Variants in METTL15 observed in about 807,000 individuals in gnomAD.
METTL15 encodes 12S rRNA N(4)-cytidine methyltransferase METTL15.
A neutral mutation model predicts 38.3 loss-of-function variants in METTL15; 34 were observed. The ratio of observed to expected loss-of-function variants is 0.89; its 90% confidence interval spans 0.68 to 1.18. The LOEUF (loss-of-function observed/expected upper bound fraction) is 1.18. Among genes scored for constraint, METTL15 ranks in the 50% most tolerant of loss-of-function variants. The pLI, the probability that METTL15 is intolerant of heterozygous loss-of-function variation, is 0.00. For synonymous variants in METTL15, 162 were observed against 170.9 expected (o/e 0.95, Z 0.41); for missense variants, 438 against 498.4 (o/e 0.88, Z 1.15).
chr11:28,438,642 A>G (rs17651504), intron 6 of METTL15, among the ~76,000 whole-genome samples: 63,569 of 148,110 alleles, frequency 0.43, 14,809 homozygotes, highest in Admixed American at 0.54. Context: ...CGGTCTATAG[A>G]TCACGCTTTT....
At chr11:28,114,775 A>G (rs574279371) in intron 3 of METTL15, among the ~76,000 whole-genome samples, 29 of 152,138 alleles carry the variant, frequency 1.9e-4, no homozygotes, top group African/African-American at 6.5e-4. Flanking sequence ...GTATGTACAT[A>G]TGTTTTCAGT....
intron 3 of METTL15, among the ~76,000 whole-genome samples, chr11:28,148,014 C>T (rs1214968833): frequency 6.6e-6 from 1 of 151,796 alleles, no homozygotes; most frequent in East Asian, 1.9e-4. Flanking sequence ...ACACAGTTTT[C>T]TCTTCAGTCT....
intron 5 of METTL15, among the ~76,000 whole-genome samples, chr11:28,383,094 A>G (rs1238517341): frequency 6.6e-6 from 1 of 152,066 alleles, no homozygotes; most frequent in Non-Finnish European, 1.5e-5. Flanking sequence ...CTCGAAAGGT[A>G]GATTTGATCC....
At chr11:28,212,122 T>C (rs1167085830) in intron 4 of METTL15, among the ~76,000 whole-genome samples, 1 of 152,042 alleles carries the variant, frequency 6.6e-6, no homozygotes, top group African/African-American at 2.4e-5. Flanking sequence ...TAATTCGTCA[T>C]CTAGAATAGT....
At chr11:28,306,681 A>G (rs990825642) in intron 6 of METTL15, among the ~76,000 whole-genome samples, 1 of 152,052 alleles carries the variant, frequency 6.6e-6, no homozygotes, top group Admixed American at 6.6e-5. Flanking sequence ...GAAGACAAGC[A>G]TATGCTTTCA....
At chr11:28,358,825 A>G (rs1252874962) in intron 4 of METTL15, among the ~76,000 whole-genome samples, 1 of 152,254 alleles carries the variant, frequency 6.6e-6, no homozygotes, top group Non-Finnish European at 1.5e-5. Context: ...AATAAACTGT[A>G]GAAACCAACA....
At chr11:28,279,424 A>G (rs553697369) in intron 4 of METTL15, among the ~76,000 whole-genome samples, 1 of 152,242 alleles carries the variant, frequency 6.6e-6, no homozygotes, top group African/African-American at 2.4e-5. Flanking sequence ...TTGGGTTTAA[A>G]TCTACCCACC....
intron 6 of METTL15, among the ~76,000 whole-genome samples, chr11:28,520,911 C>T (rs1203453779): frequency 1.3e-5 from 2 of 152,170 alleles, no homozygotes; most frequent in African/African-American, 2.4e-5. Flanking sequence ...TGGATTCTAA[C>T]TTATGAAAAC....
chr11:28,137,101 T>A (rs1440605661), intron 3 of METTL15, among the ~76,000 whole-genome samples: 1 of 152,180 alleles, frequency 6.6e-6, no homozygotes, highest in African/African-American at 2.4e-5. Context: ...TTGGTAAACC[T>A]TTTATCACAC....
At chr11:28,511,611 C>T (rs569422933) in intron 6 of METTL15, among the ~76,000 whole-genome samples, 66 of 152,062 alleles carry the variant, frequency 4.3e-4, no homozygotes, top group Admixed American at 1.1e-3. Context: ...TGCGGACCTT[C>T]GCGGTGAGTG....
At chr11:28,190,595 A>G (rs1430707534) in intron 3 of METTL15, among the ~76,000 whole-genome samples, 1 of 151,100 alleles carries the variant, frequency 6.6e-6, no homozygotes, top group Non-Finnish European at 1.5e-5. Context: ...TAAGGTATAA[A>G]TTTTACCTTC....
At chr11:28,527,090 G>C (rs1295148652), downstream of METTL15, 9 of 151,986 alleles carry the variant, frequency 5.9e-5, no homozygotes, top group Admixed American at 5.9e-4. Flanking sequence ...ATTTTCACTT[G>C]GTTGAATGAT....
At chr11:28,398,657 T>G (rs1850599326) in intron 5 of METTL15, 1 of 152,082 alleles carries the variant, frequency 6.6e-6, no homozygotes, top group African/African-American at 2.4e-5. Flanking sequence ...TCTTTTGCTG[T>G]CAGAAGCTGT....
At chr11:28,279,617 A>G (rs1489117186) in intron 4 of METTL15, among the ~76,000 whole-genome samples, 1 of 152,154 alleles carries the variant, frequency 6.6e-6, no homozygotes, top group Non-Finnish European at 1.5e-5. Context: ...AAAGACTAAC[A>G]TGGCCGGGTG....
At chr11:28,269,117 T>C (rs1390634623) in intron 4 of METTL15, among the ~76,000 whole-genome samples, 1 of 152,152 alleles carries the variant, frequency 6.6e-6, no homozygotes, top group African/African-American at 2.4e-5. Context: ...TAACTTGCTG[T>C]ACCTGAAACC....
intron 6 of METTL15, among the ~76,000 whole-genome samples, chr11:28,433,547 A>G (rs1215534440): frequency 6.6e-6 from 1 of 152,184 alleles, no homozygotes; most frequent in African/African-American, 2.4e-5. Flanking sequence ...AGTAAACAAG[A>G]CAATTAATGA....
chr11:28,284,202 AT>A (rs1189971178), intron 4 of METTL15, among the ~76,000 whole-genome samples: 9 of 152,114 alleles, frequency 5.9e-5, no homozygotes, highest in Non-Finnish European at 1.2e-4. Context: ...GTGGTGCATC[AT>A]TTTTTTATAT....
intron 6 of METTL15, among the ~76,000 whole-genome samples, chr11:28,494,040 A>C (rs1851517342): frequency 6.6e-6 from 1 of 152,370 alleles, no homozygotes; most frequent in Non-Finnish European, 1.5e-5. Context: ...TCTGCCACTT[A>C]CTAGCTGTGT....
At chr11:28,343,540 G>A (rs765376624) in intron 3 of METTL15, among the ~76,000 whole-genome samples, 9 of 152,152 alleles carry the variant, frequency 5.9e-5, no homozygotes, top group African/African-American at 1.7e-4. Flanking sequence ...AAAGTGTATC[G>A]CAGCTGCAGT....
Sources: gnomAD v4.1 joint callset for allele counts (sites outside exome capture counted in the v4.1 genomes callset) on GRCh38, gnomAD v4.1.1 for gene constraint, MANE v1.5 for transcripts, NCBI Gene and HGNC (gene_info 2026-07-23, HGNC 2026-07-21) for gene names.